SEMA3A: variants seen among roughly 807,000 people sequenced by gnomAD.
The protein encoded by SEMA3A is semaphorin-3A.
In SEMA3A, 29 loss-of-function variants were observed where a neutral mutation model predicts 97.9. The ratio of observed to expected loss-of-function variants is 0.30; its 90% confidence interval spans 0.22 to 0.40. The LOEUF is 0.40. Among genes scored for constraint, SEMA3A ranks in the 10% least tolerant of loss-of-function variants. The pLI is 1.00. For synonymous variants in SEMA3A, 321 were observed against 323.7 expected (o/e 0.99, Z 0.09); for missense variants, 763 against 951.3 (o/e 0.80, Z 2.60).
At chr7:84,140,151 G>T (rs771171596) in intron 1 of SEMA3A, among the ~76,000 whole-genome samples, 48 of 152,016 alleles carry the variant, frequency 3.2e-4, no homozygotes, top group Non-Finnish European at 3.2e-4. Flanking sequence ...CGAGGATTGG[G>T]AACACTTACA....
chr7:84,114,467 T>G (rs2115957166), intron 3 of SEMA3A, among the ~76,000 whole-genome samples: 1 of 152,178 alleles, frequency 6.6e-6, no homozygotes, highest in Admixed American at 6.5e-5. Flanking sequence ...AGAAAAAAAA[T>G]GCTTCTATCC....
chr7:83,993,444 T>C (rs1790053872), intron 12 of SEMA3A, among the ~76,000 whole-genome samples: 1 of 151,768 alleles, frequency 6.6e-6, no homozygotes, highest in South Asian at 2.1e-4. Context: ...GATTTTGCAG[T>C]GGCTGGTACC....
At chr7:84,231,926 T>G (rs1799124857) in intron 3 of SEMA3A, among the ~76,000 whole-genome samples, 1 of 151,864 alleles carries the variant, frequency 6.6e-6, no homozygotes, top group South Asian at 2.1e-4. Flanking sequence ...TTAGCCTTGG[T>G]TCTTAAACTT....
intron 1 of SEMA3A, among the ~76,000 whole-genome samples, chr7:84,473,673 GCC>G (rs1806210718): frequency 5.9e-5 from 9 of 152,066 alleles, no homozygotes; most frequent in Admixed American, 5.9e-4. Context: ...ACAGGCATGA[GCC>G]ACTGCTCCTG....
intron 7 of SEMA3A, among the ~76,000 whole-genome samples, chr7:84,012,291 T>C (rs1480519078): frequency 1.3e-5 from 2 of 151,282 alleles, no homozygotes; most frequent in Non-Finnish European, 2.9e-5. Context: ...TCTAGCCATT[T>C]CACATTTTAA....
chr7:84,252,234 C>G (rs1359165734), intron 3 of SEMA3A, among the ~76,000 whole-genome samples: 1 of 152,072 alleles, frequency 6.6e-6, no homozygotes, highest in Non-Finnish European at 1.5e-5. Flanking sequence ...TAATTGTTAC[C>G]TGGTGGGCAT....
At chr7:84,247,557 TAACA>T (rs1799504548) in intron 3 of SEMA3A, among the ~76,000 whole-genome samples, 1 of 151,816 alleles carries the variant, frequency 6.6e-6, no homozygotes, top group African/African-American at 2.4e-5. Flanking sequence ...CAATAAAGAG[TAACA>T]TAACTTCCCA....
At chr7:84,424,819 A>C (rs182208753) in intron 1 of SEMA3A, among the ~76,000 whole-genome samples, 1,552 of 101,078 alleles carry the variant, frequency 0.015, 23 homozygotes, top group Middle Eastern at 0.026. Flanking sequence ...TACATATATA[A>C]TATAATGATA....
chr7:84,392,097 C>T (rs376262859), intron 1 of SEMA3A, among the ~76,000 whole-genome samples: 19 of 152,074 alleles, frequency 1.2e-4, no homozygotes, highest in East Asian at 9.6e-4. Context: ...GATGTTTTTG[C>T]GATGAGAACA....
intron 1 of SEMA3A, among the ~76,000 whole-genome samples, chr7:84,443,121 A>C (rs943975677): frequency 1.3e-5 from 2 of 152,156 alleles, no homozygotes; most frequent in African/African-American, 4.8e-5. Flanking sequence ...ATTAGATCTA[A>C]CAGACTTATG....
intron 3 of SEMA3A, among the ~76,000 whole-genome samples, chr7:84,230,389 C>G (rs1056094750): frequency 6.6e-6 from 1 of 152,068 alleles, no homozygotes; most frequent in Non-Finnish European, 1.5e-5. Flanking sequence ...AACTTCAAAA[C>G]GGATATTTCT....
chr7:83,977,814 T>C (rs1789221042), intron 14 of SEMA3A, among the ~76,000 whole-genome samples: 1 of 150,106 alleles, frequency 6.7e-6, no homozygotes, highest in Admixed American at 6.6e-5. Flanking sequence ...CTTTCTTTTT[T>C]TTTTTTTGAG....
At chr7:84,209,728 A>G (rs1798580221) in intron 3 of SEMA3A, among the ~76,000 whole-genome samples, 1 of 152,184 alleles carries the variant, frequency 6.6e-6, no homozygotes. Flanking sequence ...GCTGTTATAT[A>G]ATACTCTGCC....
At chr7:84,295,091 G>A (rs2115799808) in intron 3 of SEMA3A, among the ~76,000 whole-genome samples, 1 of 152,072 alleles carries the variant, frequency 6.6e-6, no homozygotes, top group South Asian at 2.1e-4. Flanking sequence ...AAGACTGTGT[G>A]GAATTTCAAC....
At chr7:84,020,787 C>A (rs917730576) in intron 6 of SEMA3A, among the ~76,000 whole-genome samples, 1 of 151,628 alleles carries the variant, frequency 6.6e-6, no homozygotes, top group Non-Finnish European at 1.5e-5. Context: ...AATTTGTGTC[C>A]TTATTATTTT....
At chr7:84,288,310 A>T (rs1800644537) in intron 3 of SEMA3A, among the ~76,000 whole-genome samples, 1 of 152,212 alleles carries the variant, frequency 6.6e-6, no homozygotes, top group Admixed American at 6.5e-5. Flanking sequence ...TAAACGAATT[A>T]AATTTATGCT....
intron 6 of SEMA3A, among the ~76,000 whole-genome samples, chr7:84,026,573 T>C (rs1791552976): frequency 6.6e-6 from 1 of 152,242 alleles, no homozygotes; most frequent in African/African-American, 2.4e-5. Context: ...CTGTTCACAA[T>C]AGCAAAGACA....
chr7:84,425,328 A>G (rs1181810662), intron 1 of SEMA3A, among the ~76,000 whole-genome samples: 3 of 125,974 alleles, frequency 2.4e-5, no homozygotes, highest in Non-Finnish European at 4.7e-5. Flanking sequence ...ATATAAATAT[A>G]AATATAATAT....
chr7:84,201,897 A>C (rs893539377), intron 3 of SEMA3A, among the ~76,000 whole-genome samples: 4 of 152,220 alleles, frequency 2.6e-5, no homozygotes, highest in South Asian at 4.1e-4. Flanking sequence ...TTGGTGACTT[A>C]AAGCACTTTA....
Sources: gnomAD v4.1 joint callset for allele counts (sites outside exome capture counted in the v4.1 genomes callset) on GRCh38, gnomAD v4.1.1 for gene constraint, MANE v1.5 for transcripts, NCBI Gene and HGNC (gene_info 2026-07-23, HGNC 2026-07-21) for gene names.